Variants in XIRP2 observed in about 807,000 individuals in gnomAD.
XIRP2 encodes the protein xin actin-binding repeat-containing protein 2.
A neutral mutation model predicts 277.0 loss-of-function variants in XIRP2; 236 were observed. That is an observed-to-expected ratio of 0.85 (90% CI 0.77 to 0.95). XIRP2 has a LOEUF of 0.95. Among genes scored for constraint, XIRP2 ranks in the 40% least tolerant of loss-of-function variants. The pLI, the probability that XIRP2 is intolerant of heterozygous loss-of-function variation, is 0.00. For missense variants in XIRP2, 4,640 were observed against 4,157.5 expected (o/e 1.12, Z -3.19); for synonymous variants, 1,490 against 1,416.5 (o/e 1.05, Z -1.17).
intron 2 of XIRP2, among the ~76,000 whole-genome samples, chr2:167,025,829 A>T (rs1026983363): frequency 5.3e-5 from 8 of 151,988 alleles, no homozygotes; most frequent in African/African-American, 1.9e-4. Flanking sequence ...ACAGTTTGTT[A>T]TAATTTCTGT....
At chr2:166,897,126 C>T (rs940296026) in intron 1 of XIRP2, among the ~76,000 whole-genome samples, 2 of 152,164 alleles carry the variant, frequency 1.3e-5, no homozygotes, top group African/African-American at 4.8e-5. Context: ...CACTACTGTC[C>T]TTGTACTTCT....
At chr2:167,030,018 T>C (rs770844111) in intron 2 of XIRP2, among the ~76,000 whole-genome samples, 1 of 152,192 alleles carries the variant, frequency 6.6e-6, no homozygotes, top group Non-Finnish European at 1.5e-5. Flanking sequence ...TTTGTAGTAT[T>C]CTCTGATGGT....
At chr2:166,946,083 C>G (rs1685855088) in intron 2 of XIRP2, among the ~76,000 whole-genome samples, 1 of 152,132 alleles carries the variant, frequency 6.6e-6, no homozygotes, top group Admixed American at 6.6e-5. Context: ...TGTCAAAACT[C>G]TCACAGATGA....
rs1553500653 is a variant in XIRP2, at chr2:167,214,093, A to AGAAAGAAGGAAGGAAGGAAG, written c.723+3201_723+3202insAGAAGGAAGGAAGGAAGGAA. Among the ~76,000 whole-genome samples the AGAAAGAAGGAAGGAAGGAAG allele has an allele frequency of 1.6e-4, 10 of 64,368 alleles. 1 individual carries two copies. The highest frequency in any genetic ancestry group is 6.2e-4 in the African/African-American group (8 of 12,950). 42.2% of individuals were successfully genotyped at this position (64,368 alleles called of 152,430 possible). A position where few individuals can be genotyped will look rare whatever the true frequency, so the allele number is the denominator to read the frequency against. On this transcript the variant is annotated intron_variant, in intron 4 of 10. Transcript: ENST00000409195. ...TAGAAAGGAAGGAAGGAAGAAAGAAAGAAGGAAGGAAGGAAGGAAGGAAGG... is the reference window on the plus strand; with the variant it reads ...TAGAAAGGAAGGAAGGAAGAAAGAAAGAAAGAAGGAAGGAAGGAAGGAAGGAAGGAAGGAAGGAAGGAAGG...
In XIRP2 at chr2:167,083,685, T is replaced by C. The variant is rs570277411; in HGVS notation, c.409-52224T>C. ...ATCCCTTGTAAGTTGGATTCCTAGG[T>C]ATTTTATTCTCTTTGAAGCAATTGT... is the stretch of plus-strand genomic sequence containing the variant. On this transcript the variant is annotated intron_variant, in intron 2 of 10. Coordinates refer to ENST00000409195, the MANE Select transcript of XIRP2 (RefSeq NM_152381.6). 1.3e-3 allele frequency among the ~76,000 whole-genome samples: 195 copies of C among 152,334 alleles called. 2 individuals carry two copies. Among genetic ancestry groups the C allele is most frequent in the Non-Finnish European group, 1.8e-3 (122 of 68,026 alleles).
At chr2:167,181,399 T>C (rs1183069019) in intron 3 of XIRP2, among the ~76,000 whole-genome samples, 2 of 152,232 alleles carry the variant, frequency 1.3e-5, no homozygotes, top group Non-Finnish European at 2.9e-5. Context: ...ATAACCACAA[T>C]TGGAAATTCT....
intron 2 of XIRP2, among the ~76,000 whole-genome samples, chr2:166,976,089 T>C (rs1330021075): frequency 6.6e-6 from 1 of 152,108 alleles, no homozygotes; most frequent in African/African-American, 2.4e-5. Flanking sequence ...TCCTCAGTAA[T>C]GTGGAATATG....
At chr2:167,067,449 A>G (rs1000375184) in intron 2 of XIRP2, among the ~76,000 whole-genome samples, 2 of 152,108 alleles carry the variant, frequency 1.3e-5, no homozygotes, top group African/African-American at 2.4e-5. Flanking sequence ...ATTAAGATAT[A>G]TTTATAATAC....
chr2:167,217,815 A>G (rs1694300151), intron 4 of XIRP2, among the ~76,000 whole-genome samples: 1 of 152,158 alleles, frequency 6.6e-6, no homozygotes, highest in Admixed American at 6.6e-5. Flanking sequence ...TTGAGGGTTA[A>G]AATTGAGTCC....
chr2:167,154,723 G>A (rs906849988), intron 3 of XIRP2, among the ~76,000 whole-genome samples: 1 of 152,062 alleles, frequency 6.6e-6, no homozygotes, highest in African/African-American at 2.4e-5. Context: ...AAAGCTGGCA[G>A]AAGGCAAGAA....
intron 2 of XIRP2, among the ~76,000 whole-genome samples, chr2:166,976,805 C>A (rs528314923): frequency 2.6e-5 from 4 of 152,280 alleles, no homozygotes; most frequent in African/African-American, 4.8e-5. Context: ...CCACTATATA[C>A]CATTTCTGGG....
intron 1 of XIRP2, among the ~76,000 whole-genome samples, chr2:166,897,889 G>C (rs945270299): frequency 6.6e-6 from 1 of 152,058 alleles, no homozygotes; most frequent in African/African-American, 2.4e-5. Flanking sequence ...GGCTATGCAG[G>C]GGCTTGCAGA....
Position 167,244,071 on chromosome 2 carries a change from A to G in XIRP2, c.2679A>G (p.Ile893Met), listed in dbSNP as rs1695166418. Residue 893 changes from isoleucine (I) to methionine (M), a missense_variant, in exon 9 of 11, where the codon ATA becomes ATG. Physicochemically the swap from Ile to Met is conservative, Grantham distance 10. Transcript: ENST00000409195. The part of the protein sequence containing the change: ...PIEALKDSPD[I>M]GKLQKITASE... ...AAGCATTAAAAGACAGTCCTGATAT[A>G]GGAAAGCTTCAAAAAATCACTGCCT... is the stretch of plus-strand genomic sequence containing the variant. 6.2e-7 allele frequency: 1 copy of G among 1,613,928 alleles called. No individual in the cohort carries two copies. Among genetic ancestry groups the G allele is most frequent in the Non-Finnish European group, 8.5e-7 (1 of 1,179,906 alleles).
rs1287704939 is a variant in XIRP2, at chr2:166,985,364, A to G, written c.408+81474A>G. Among the ~76,000 whole-genome samples the G allele has an allele frequency of 3.9e-5, 6 of 152,172 alleles. No homozygotes were observed. In the East Asian group the frequency reaches 9.6e-4, roughly 24 times the overall value. On this transcript the variant is annotated intron_variant, in intron 2 of 10. Coordinates refer to ENST00000409195, the MANE Select transcript of XIRP2 (RefSeq NM_152381.6). Reference sequence around the variant, plus strand: ...TTGATTTTTACTTACTAACATTGTCAAAGTGTTTTATTTAGGATTAATACT... The same window carrying G: ...TTGATTTTTACTTACTAACATTGTCGAAGTGTTTTATTTAGGATTAATACT...
In XIRP2 at chr2:166,995,290, G is replaced by A. The variant is rs553414966; in HGVS notation, c.408+91400G>A. On this transcript the variant is annotated intron_variant, in intron 2 of 10. Transcript: ENST00000409195. The stretch of plus-strand genomic sequence containing the variant: ...GGCATTTGGATATATGCTTTGTTGC[G>A]TGGCTGAGCCCTACTGAATTTCATC... Among the ~76,000 whole-genome samples the A allele has an allele frequency of 1.1e-3, 173 of 152,238 alleles. 2 individuals are homozygous for A. The highest frequency in any genetic ancestry group is 6.5e-4 in the Non-Finnish European group (44 of 68,004).
intron 3 of XIRP2, among the ~76,000 whole-genome samples, chr2:167,144,380 C>G (rs1344825842): frequency 6.6e-6 from 1 of 152,066 alleles, no homozygotes; most frequent in African/African-American, 2.4e-5. Flanking sequence ...GGACTCATAA[C>G]AGTACACGTA....
At chr2:166,936,252 T>TG (rs1308688658) in intron 2 of XIRP2, among the ~76,000 whole-genome samples, 22 of 152,332 alleles carry the variant, frequency 1.4e-4, no homozygotes, top group Admixed American at 1.1e-3. Context: ...CACTTTTTGA[T>TG]GGGGTTGTTT....
chr2:167,204,704 T>C (rs938503558), intron 3 of XIRP2, among the ~76,000 whole-genome samples: 2 of 152,348 alleles, frequency 1.3e-5, no homozygotes, highest in African/African-American at 4.8e-5. Flanking sequence ...TCTTTATCCA[T>C]TATTCAATAT....
chr2:167,188,273 C>T (rs1423586897), intron 3 of XIRP2, among the ~76,000 whole-genome samples: 1 of 152,066 alleles, frequency 6.6e-6, no homozygotes, highest in Non-Finnish European at 1.5e-5. Context: ...TCCTGTCGGG[C>T]CTTAAATGTT....
Sources: gnomAD v4.1 joint callset for allele counts (sites outside exome capture counted in the v4.1 genomes callset) on GRCh38, gnomAD v4.1.1 for gene constraint, MANE v1.5 for transcripts, NCBI Gene and HGNC (gene_info 2026-07-23, HGNC 2026-07-21) for gene names.